The following PCDHGA7 variants were observed in gnomAD, a reference collection of about 807,000 sequenced individuals.
The protein encoded by PCDHGA7 is protocadherin gamma-A7.
In PCDHGA7, 44 loss-of-function variants were observed where a neutral mutation model predicts 58.3. That is an observed-to-expected ratio of 0.75 (90% CI 0.59 to 0.97). The LOEUF is 0.97. Ranked by LOEUF, PCDHGA7 falls within the 50% of genes least tolerant of loss-of-function variation. The pLI, the probability that PCDHGA7 is intolerant of heterozygous loss-of-function variation, is 0.00. For missense variants in PCDHGA7, 1,266 were observed against 1,188.7 expected (o/e 1.06, Z -0.96); for synonymous variants, 516 against 504.2 (o/e 1.02, Z -0.31).
At chr5:141,463,438 CTTTTTTTTTTTTTT>C (rs71576115) in intron 1 of PCDHGA7, among the ~76,000 whole-genome samples, 7 of 103,256 alleles carry the variant, frequency 6.8e-5, no homozygotes, top group Non-Finnish European at 9.4e-5. Flanking sequence ...TTTCCTTCTC[CTTTTTTTTTTTTTT>C]TTTTTTTTTT....
chr5:141,393,892 C>A lies in PCDHGA7; in HGVS notation c.2424+8569C>A, dbSNP rs775134910. The A allele has an allele frequency of 1.2e-5, 19 of 1,613,856 alleles. No homozygotes were observed. Among genetic ancestry groups the A allele is most frequent in the Admixed American group, 6.7e-5 (4 of 60,000 alleles). ...TTGTTTAGCCCAGTGTTAGAAAATT[C>A]TCTTCCCGGGACAGTAATTGCCTTC... On this transcript the variant is annotated intron_variant, in intron 1 of 3. Transcript: ENST00000518325.
chr5:141,384,286 G>C lies in PCDHGA7; in HGVS notation c.1387G>C (p.Glu463Gln), dbSNP rs760333073. ...CTCATCCTACTCAGTCTACATCGCT[G>C]AGAACAACCCCAGAGGGGCCTCCAT... ...PHSSYSVYIA[E>Q]NNPRGASIFL... Residue 463 changes from glutamate (E) to glutamine (Q), a missense_variant, in exon 1 of 4, where the codon GAG (glutamate) becomes CAG (glutamine). Coordinates refer to ENST00000518325, the MANE Select transcript of PCDHGA7 (RefSeq NM_018920.4). 3 of 1,613,716 alleles carry C rather than the reference G, an allele frequency of 1.9e-6. No homozygotes were observed. In the East Asian group the frequency reaches 6.7e-5, roughly 36 times the overall value.
chr5:141,438,545 A>C (rs915206342), intron 1 of PCDHGA7, among the ~76,000 whole-genome samples: 4 of 140,354 alleles, frequency 2.8e-5, no homozygotes, highest in Admixed American at 7.4e-5. Flanking sequence ...TCTATATCTA[A>C]GCCCTAATAA....
intron 1 of PCDHGA7, chr5:141,414,982 G>A (rs1415279007): frequency 3.7e-6 from 6 of 1,613,712 alleles, no homozygotes; most frequent in Admixed American, 1.7e-5. Flanking sequence ...CAGAGACTCC[G>A]GCCAGAACGC....
chr5:141,487,798 G>A lies in PCDHGA7; in HGVS notation c.2425-7009G>A, dbSNP rs1197016007. 6.7e-7 allele frequency: 1 copy of A among 1,498,792 alleles called. No homozygotes were observed. Among genetic ancestry groups the A allele is most frequent in the South Asian group, 1.3e-5 (1 of 78,368 alleles). 92.8% of individuals were successfully genotyped at this position (1,498,792 alleles called of 1,614,324 possible). On this transcript the variant is annotated intron_variant, in intron 1 of 3. Coordinates refer to ENST00000518325, the MANE Select transcript of PCDHGA7 (RefSeq NM_018920.4). The surrounding 1 kb of genome is among the most constrained non-coding windows in gnomAD (Gnocchi z 5.0). ...ACTGTTTCGTGAATTAACCAGAGTT[G>A]TCACAGTTTAGCATTGGGGGCGGGT...
rs1023403145 is a variant in PCDHGA7 at position 141,383,946 on chromosome 5, G to A, written c.1047G>A (p.Met349Ile). 1.9e-6 allele frequency: 3 copies of A among 1,613,696 alleles called. No homozygotes were observed. Among genetic ancestry groups the A allele is most frequent in the Non-Finnish European group, 2.5e-6 (3 of 1,179,784 alleles). ...ATGATAATGCTCCAGAAGTGACTAT[G>A]ACGTCTTTAAGTAGCTCAATCCCTG... The part of the protein sequence containing the change: ...DVNDNAPEVT[M>I]TSLSSSIPED... Residue 349 changes from methionine (M) to isoleucine (I), a missense_variant, in exon 1 of 4, where the codon ATG becomes ATA. Physicochemically the swap from Met to Ile is conservative, Grantham distance 10. Coordinates refer to ENST00000518325, the MANE Select transcript of PCDHGA7 (RefSeq NM_018920.4).
In PCDHGA7 at chr5:141,389,708, G is replaced by C. The variant is rs773973967; in HGVS notation, c.2424+4385G>C. On this transcript the variant is annotated intron_variant, in intron 1 of 3. Coordinates refer to ENST00000518325, the MANE Select transcript of PCDHGA7 (RefSeq NM_018920.4). ...CCTGGCTGTCCTACCACGTGCTGCA[G>C]GCTAGCGAGCCCGGGCTCTTCAGCC... The C allele has an allele frequency of 4.3e-6, 7 of 1,612,610 alleles. No homozygotes were observed. In the South Asian group the frequency reaches 7.7e-5, roughly 18 times the overall value.
intron 1 of PCDHGA7, among the ~76,000 whole-genome samples, chr5:141,406,639 A>G (rs1301755864): frequency 6.6e-6 from 1 of 152,208 alleles, no homozygotes; most frequent in Non-Finnish European, 1.5e-5. Flanking sequence ...AAAGGTCTTA[A>G]TTTCCTAATG....
chr5:141,458,553 T>G (rs987591790), intron 1 of PCDHGA7, among the ~76,000 whole-genome samples: 24 of 146,852 alleles, frequency 1.6e-4, no homozygotes, highest in Non-Finnish European at 2.5e-4. Flanking sequence ...TGTTTGTTTG[T>G]TTTGGTTTTG....
Position 141,431,859 on chromosome 5 carries a change from C to T in PCDHGA7, c.2424+46536C>T. ...AACTCTCCCAGAGGGACATTAATTG[C>T]CCTTTTAAATGTAAATGACCAAGAT... On this transcript the variant is annotated intron_variant, in intron 1 of 3. Coordinates refer to ENST00000518325, the MANE Select transcript of PCDHGA7 (RefSeq NM_018920.4). The surrounding 1 kb of genome is among the most constrained non-coding windows in gnomAD (Gnocchi z 4.8). 3.1e-6 allele frequency: 5 copies of T among 1,614,178 alleles called. No homozygotes were observed. The highest frequency in any genetic ancestry group is 4.2e-6 in the Non-Finnish European group (5 of 1,180,008).
intron 1 of PCDHGA7, chr5:141,413,141 G>A: frequency 1.3e-6 from 2 of 1,564,906 alleles, no homozygotes; most frequent in Non-Finnish European, 1.7e-6. Context: ...AACGTGTCCA[G>A]TGAGGACTTT....
At chr5:141,458,989 T>C (rs1341538997) in intron 1 of PCDHGA7, among the ~76,000 whole-genome samples, 1 of 152,134 alleles carries the variant, frequency 6.6e-6, no homozygotes, top group Non-Finnish European at 1.5e-5. Flanking sequence ...TGCCTCACCC[T>C]CCCAAAGTGC....
In PCDHGA7 at chr5:141,491,942, C is replaced by A; in HGVS notation, c.2425-2865C>A. The A allele has an allele frequency of 8.9e-7, 1 of 1,122,490 alleles. No individual in the cohort carries two copies. The highest frequency in any genetic ancestry group is 1.2e-6 in the Non-Finnish European group (1 of 824,374). 69.5% of individuals were successfully genotyped at this position (1,122,490 alleles called of 1,614,324 possible). The stretch of plus-strand genomic sequence containing the variant: ...GGCGAGGGGAGGTGGGACCGACCCC[C>A]ACCCCTACACTCAAAAAAGGCCGGG... On this transcript the variant is annotated intron_variant, in intron 1 of 3. Transcript: ENST00000518325. The surrounding 1 kb of genome is among the most constrained non-coding windows in gnomAD (Gnocchi z 6.9).
rs2099706000 is a variant in PCDHGA7 at position 141,490,911 on chromosome 5, G to A, written c.2425-3896G>A. 1 of 1,613,722 alleles carries A rather than the reference G, an allele frequency of 6.2e-7. No individual in the cohort carries two copies. Among genetic ancestry groups the A allele is most frequent in the Non-Finnish European group, 8.5e-7 (1 of 1,179,746 alleles). Reference sequence around the variant, plus strand: ...CTCTGCATGTGTTTGTCCTAGACGAGAATGATAATGCCCCAGCTGTGCTGC... The same window carrying A: ...CTCTGCATGTGTTTGTCCTAGACGAAAATGATAATGCCCCAGCTGTGCTGC... On this transcript the variant is annotated intron_variant, in intron 1 of 3. Coordinates refer to ENST00000518325, the MANE Select transcript of PCDHGA7 (RefSeq NM_018920.4). This position sits in a 1 kb window ranked among gnomAD's most constrained non-coding sequence, Gnocchi z 5.4.
In PCDHGA7 at chr5:141,388,846, A is replaced by G. The variant is rs758753526; in HGVS notation, c.2424+3523A>G. ...TATTCCATAGTTTTGGAAGCAAGGG[A>G]CGGTGGAGGAATGATTGCGCAATGC... On this transcript the variant is annotated intron_variant, in intron 1 of 3. Coordinates refer to ENST00000518325, the MANE Select transcript of PCDHGA7 (RefSeq NM_018920.4). The G allele has an allele frequency of 5.6e-6, 9 of 1,613,870 alleles. No homozygotes were observed. In the East Asian group the frequency reaches 2.0e-4, roughly 36 times the overall value.
chr5:141,403,318 A>G, intron 1 of PCDHGA7: 1 of 1,613,982 alleles, frequency 6.2e-7, no homozygotes, highest in Non-Finnish European at 8.5e-7. Flanking sequence ...TAGAAATAGA[A>G]GTAACTGATA....
At chr5:141,412,980 A>G (rs2095595071) in intron 1 of PCDHGA7, 2 of 543,674 alleles carry the variant, frequency 3.7e-6, no homozygotes, top group Non-Finnish European at 6.3e-6. Flanking sequence ...AAACGCAGCC[A>G]GAGCTCAATC....
intron 1 of PCDHGA7, among the ~76,000 whole-genome samples, chr5:141,445,720 G>T (rs2098475440): frequency 6.6e-6 from 1 of 152,158 alleles, no homozygotes; most frequent in Non-Finnish European, 1.5e-5. Flanking sequence ...AGAGGAAATA[G>T]CATGTGTAAA....
rs1185020546 is a variant in PCDHGA7, at chr5:141,485,472, C to A, written c.2425-9335C>A. 3 of 1,614,138 alleles carry A rather than the reference C, an allele frequency of 1.9e-6. No homozygotes were observed. Among genetic ancestry groups the A allele is most frequent in the Non-Finnish European group, 2.5e-6 (3 of 1,180,022 alleles). On this transcript the variant is annotated intron_variant, in intron 1 of 3. Transcript: ENST00000518325. The surrounding 1 kb of genome is among the most constrained non-coding windows in gnomAD (Gnocchi z 5.7). The stretch of plus-strand genomic sequence containing the variant: ...CGAGAGGCACTGTGTGGGCTCAGTG[C>A]CAGCTGCATCGTGCCCCTGGAGTTT...
Sources: allele counts gnomAD v4.1 joint callset (sites outside exome capture counted in the v4.1 genomes callset), GRCh38; gene constraint gnomAD v4.1.1; non-coding constraint Gnocchi (gnomAD v3.1); transcripts MANE v1.5; gene names NCBI Gene and HGNC (gene_info 2026-07-23, HGNC 2026-07-21).